Variants in HTR1E observed in about 807,000 individuals in gnomAD.
HTR1E encodes 5-HT-1E.
A neutral mutation model predicts 3.4 loss-of-function variants in HTR1E; 3 were observed. The observed-to-expected ratio is 0.89, with a 90% CI of 0.41 to 2.31. The LOEUF (loss-of-function observed/expected upper bound fraction) is 2.31, where lower values mean the gene tolerates loss of function less well. Ranked by LOEUF, HTR1E falls within the 30% of genes most tolerant of loss-of-function variation. HTR1E has a pLI of 0.05. For missense variants in HTR1E, 392 were observed against 467.0 expected, an observed-to-expected ratio of 0.84 and a Z score of 1.48; for synonymous variants, 170 against 182.8, an observed-to-expected ratio of 0.93 and a Z score of 0.56.
At chr6:86,938,386 A>G (rs1768500956) in intron 1 of HTR1E, among the ~76,000 whole-genome samples, 1 of 152,154 alleles carries the variant, frequency 6.6e-6, no homozygotes, top group Non-Finnish European at 1.5e-5. Flanking sequence ...AAAATACAAA[A>G]TAAATCTTGG....
At chr6:86,979,954 GC>G (rs1767688056) in intron 1 of HTR1E, among the ~76,000 whole-genome samples, 1 of 152,094 alleles carries the variant, frequency 6.6e-6, no homozygotes, top group African/African-American at 2.4e-5. Context: ...CAGGAAAGGA[GC>G]CCCGGAAATA....
At chr6:86,995,188 C>A (rs1239340633) in intron 1 of HTR1E, among the ~76,000 whole-genome samples, 1 of 152,060 alleles carries the variant, frequency 6.6e-6, no homozygotes, top group East Asian at 1.9e-4. Context: ...CCGTGGCTCA[C>A]ACCTATAATC....
At chr6:86,956,094 G>T (rs1034960957) in intron 1 of HTR1E, among the ~76,000 whole-genome samples, 2 of 152,004 alleles carry the variant, frequency 1.3e-5, no homozygotes, top group African/African-American at 4.8e-5. Flanking sequence ...GTGGCAATAA[G>T]GTATATCACA....
intron 1 of HTR1E, among the ~76,000 whole-genome samples, chr6:86,949,176 C>A (rs1187398758): frequency 6.6e-6 from 1 of 152,186 alleles, no homozygotes; most frequent in African/African-American, 2.4e-5. Context: ...AGTTCCATCA[C>A]TGACAGTGTA....
intron 1 of HTR1E, among the ~76,000 whole-genome samples, chr6:86,956,548 C>T (rs1269633688): frequency 6.6e-6 from 1 of 152,126 alleles, no homozygotes; most frequent in Non-Finnish European, 1.5e-5. Context: ...CCTTTCTGGA[C>T]CAAACCAATG....
intron 1 of HTR1E, among the ~76,000 whole-genome samples, chr6:86,983,933 A>C (rs942621871): frequency 5.3e-5 from 8 of 152,336 alleles, no homozygotes; most frequent in African/African-American, 1.7e-4. Flanking sequence ...TAATATTTTA[A>C]AATATATATA....
intron 1 of HTR1E, among the ~76,000 whole-genome samples, chr6:87,004,593 C>A (rs1332827665): frequency 2.0e-5 from 3 of 152,026 alleles, no homozygotes; most frequent in Non-Finnish European, 4.4e-5. Context: ...AAGTACATAC[C>A]TCAACACAAT....
chr6:86,978,194 A>G (rs1485875758), intron 1 of HTR1E, among the ~76,000 whole-genome samples: 2 of 152,138 alleles, frequency 1.3e-5, no homozygotes, highest in African/African-American at 4.8e-5. Context: ...TTCCTTCCTA[A>G]TGAAATCCTG....
At chr6:86,993,099 T>C (rs1331218467) in intron 1 of HTR1E, among the ~76,000 whole-genome samples, 1 of 152,218 alleles carries the variant, frequency 6.6e-6, no homozygotes, top group Non-Finnish European at 1.5e-5. Flanking sequence ...AAGTAGCACA[T>C]ACCACTTATG....
At chr6:86,987,379 T>A (rs1288146342) in intron 1 of HTR1E, among the ~76,000 whole-genome samples, 1 of 152,172 alleles carries the variant, frequency 6.6e-6, no homozygotes, top group Non-Finnish European at 1.5e-5. Flanking sequence ...GATAAGCTGA[T>A]CTCATCCAAC....
chr6:87,010,542 A>T (rs1372750302), intron 1 of HTR1E, among the ~76,000 whole-genome samples: 1 of 137,970 alleles, frequency 7.2e-6, no homozygotes, highest in Non-Finnish European at 1.6e-5. Context: ...CCCACATCTC[A>T]GACGATGGGC....
intron 1 of HTR1E, among the ~76,000 whole-genome samples, chr6:86,938,363 G>A (rs912777853): frequency 5.3e-5 from 8 of 152,148 alleles, no homozygotes; most frequent in African/African-American, 1.4e-4. Context: ...AATGAGGCAG[G>A]CTCATTTTTT....
chr6:86,942,568 T>C (rs1768561123), intron 1 of HTR1E, among the ~76,000 whole-genome samples: 1 of 152,216 alleles, frequency 6.6e-6, no homozygotes, highest in South Asian at 2.1e-4. Flanking sequence ...TACCATTCTT[T>C]CCTTCTGAAC....
intron 1 of HTR1E, among the ~76,000 whole-genome samples, chr6:87,005,868 G>C (rs1288829911): frequency 6.6e-6 from 1 of 151,870 alleles, no homozygotes; most frequent in African/African-American, 2.4e-5. Context: ...GAATATATAA[G>C]GAGCTCAAAC....
intron 1 of HTR1E, among the ~76,000 whole-genome samples, chr6:86,993,272 TAA>T (rs61238932): frequency 1.4e-5 from 2 of 147,330 alleles, no homozygotes; most frequent in African/African-American, 4.9e-5. Flanking sequence ...AAAGTTTATT[TAA>T]AAAAAAAAAG....
At chr6:86,976,133 G>A (rs983951162) in intron 1 of HTR1E, among the ~76,000 whole-genome samples, 3 of 152,044 alleles carry the variant, frequency 2.0e-5, no homozygotes, top group Non-Finnish European at 4.4e-5. Context: ...GGAAATACAA[G>A]GAAGAGGTTA....
chr6:86,959,505 C>T (rs1358400256), intron 1 of HTR1E, among the ~76,000 whole-genome samples: 2 of 152,092 alleles, frequency 1.3e-5, no homozygotes, highest in Non-Finnish European at 2.9e-5. Context: ...AATGCTTGAA[C>T]CCAGATGGTC....
chr6:86,944,961 T>C (rs1255135654), intron 1 of HTR1E, among the ~76,000 whole-genome samples: 1 of 152,138 alleles, frequency 6.6e-6, no homozygotes, highest in Non-Finnish European at 1.5e-5. Flanking sequence ...CTGTTACTGG[T>C]TTATACATTT....
intron 1 of HTR1E, among the ~76,000 whole-genome samples, chr6:86,963,637 A>C (rs776617922): frequency 1.3e-4 from 20 of 152,138 alleles, no homozygotes; most frequent in Non-Finnish European, 1.6e-4. Context: ...TTTATCTTGC[A>C]TACTGTATTT....
Sources: allele counts gnomAD v4.1 joint callset (sites outside exome capture counted in the v4.1 genomes callset), GRCh38; gene constraint gnomAD v4.1.1; transcripts MANE v1.5; gene names NCBI Gene and HGNC (gene_info 2026-07-23, HGNC 2026-07-21).